DDX54: variants seen among roughly 807,000 people sequenced by gnomAD.
The protein encoded by DDX54 is DEAD-box helicase 54, also known as ATP-dependent RNA helicase DDX54.
A neutral mutation model predicts 105.5 loss-of-function variants in DDX54; 67 were observed. The ratio of observed to expected loss-of-function variants is 0.64; its 90% CI spans 0.52 to 0.78. DDX54 has a LOEUF of 0.78. Among genes scored for constraint, DDX54 ranks in the 30% least tolerant of loss-of-function variants. The pLI is 0.00. For missense variants in DDX54, 1,206 were observed against 1,230.5 expected, an observed-to-expected ratio of 0.98 and a Z score of 0.30; for synonymous variants, 514 against 509.9, an observed-to-expected ratio of 1.01 and a Z score of -0.11.
intron 1 of DDX54, among the ~76,000 whole-genome samples, chr12:113,183,558 C>T (rs566919376): frequency 6.6e-6 from 1 of 152,376 alleles, no homozygotes; most frequent in East Asian, 1.9e-4. Flanking sequence ...GTGCCAGGCA[C>T]CCGCTGGGAA....
At chr12:113,170,613 C>G (rs1233249941) in intron 11 of DDX54, among the ~76,000 whole-genome samples, 2 of 152,052 alleles carry the variant, frequency 1.3e-5, no homozygotes, top group Admixed American at 6.6e-5. Context: ...CACTAGAGCC[C>G]AAGCAACAGA....
At position 113,157,554 on chromosome 12, in the gene DDX54, G is replaced by A; in HGVS notation, c.*1323C>T. 6.6e-7 allele frequency: 1 copy of A among 1,510,358 alleles called. No homozygotes were observed. The highest frequency in any genetic ancestry group is 9.0e-7 in the Non-Finnish European group (1 of 1,109,762). The allele number at this position is 1,510,358 out of a possible 1,614,324, so 93.6% of individuals were successfully genotyped here. On this transcript the variant is annotated 3_prime_UTR_variant, in exon 20 of 20. Transcript: ENST00000306014. The stretch of plus-strand genomic sequence containing the variant: ...CCCGCGTGTTGAGGGGTGGGGGCTG[G>A]ACAGTGACTCTGGGGCTGGGATGTG...
chr12:113,163,663 C>T lies in DDX54; in HGVS notation c.1939-389G>A, dbSNP rs1036851846. ...AGGGGTCTCCAACTGGTCTTCTTGG[C>T]TACTGAACCCTCTGTCCAAACAAAA... On this transcript the variant is annotated intron_variant, in intron 15 of 19. Transcript: ENST00000306014. The surrounding 1 kb of genome is among the most constrained non-coding windows in gnomAD (Gnocchi z 5.9). Among the ~76,000 whole-genome samples, 5 of 152,152 alleles carry T rather than the reference C, an allele frequency of 3.3e-5. No individual in the cohort carries two copies. The highest frequency in any genetic ancestry group is 1.2e-4 in the African/African-American group (5 of 41,426).
At chr12:113,170,439 G>A (rs570911744) in intron 11 of DDX54, among the ~76,000 whole-genome samples, 31 of 152,236 alleles carry the variant, frequency 2.0e-4, no homozygotes, top group African/African-American at 6.7e-4. Context: ...CCAGGAGTTC[G>A]AGAACAGCCT....
In DDX54 at chr12:113,176,874, T is replaced by A; in HGVS notation, c.718A>T (p.Ser240Cys). 6.2e-7 allele frequency: 1 copy of A among 1,614,176 alleles called. No homozygotes were observed. The highest frequency in any genetic ancestry group is 8.5e-7 in the Non-Finnish European group (1 of 1,180,038). The stretch of plus-strand genomic sequence containing the variant: ...TCATCGAACACCACGTATTCCACAC[T>A]CTGCAGCTTCAGGCTCATTTCCACA... ...VAVEMSLKLQ[S>C]VEYVVFDEAD... Residue 240 changes from serine to cysteine, a missense_variant, in exon 7 of 20, where the codon AGT becomes TGT. By Grantham distance (112) the Ser-to-Cys change is moderately radical (BLOSUM62 -1). This residue lies in a region of DDX54 where 961 missense variants were observed against 1,019.1 expected (regional missense o/e 0.94). Coordinates refer to ENST00000306014, the MANE Select transcript of DDX54 (RefSeq NM_024072.4).
At chr12:113,164,609 G>C (rs1382480101) in intron 14 of DDX54, among the ~76,000 whole-genome samples, 1 of 152,202 alleles carries the variant, frequency 6.6e-6, no homozygotes, top group Non-Finnish European at 1.5e-5. Context: ...AGCTACTTAG[G>C]AGGCTGAGGC....
At chr12:113,179,422 A>T in intron 3 of DDX54, 91 bp from the exon 4 acceptor site, 1 of 1,416,996 alleles carries the variant, frequency 7.1e-7, no homozygotes, top group Non-Finnish European at 9.6e-7. Flanking sequence ...TGGGCATGCT[A>T]TAGATCTCAG....
At chr12:113,181,307 TTA>T (rs1263214878) in intron 1 of DDX54, among the ~76,000 whole-genome samples, 1 of 151,898 alleles carries the variant, frequency 6.6e-6, no homozygotes, top group African/African-American at 2.4e-5. Flanking sequence ...TTTTTTTTTT[TTA>T]AGAGACAGGG....
At position 113,172,448 on chromosome 12, in the gene DDX54, G is replaced by A. The variant is rs1044379990; in HGVS notation, c.1184C>T (p.Thr395Ile). Residue 395 changes from threonine to isoleucine, a missense_variant, in exon 11 of 20, where the codon ACT becomes ATT. Physicochemically the swap from Thr to Ile is moderately conservative, Grantham distance 89. This residue lies in a region of DDX54 where 961 missense variants were observed against 1,019.1 expected (regional missense o/e 0.94). Coordinates refer to ENST00000306014, the MANE Select transcript of DDX54 (RefSeq NM_024072.4). Reference sequence around the variant, plus strand: ...GTCCAGGCCTCGGGCGGCCAGGTCAGTCACAATGAGAGTGGAGCACTTGCC... The same window carrying A: ...GTCCAGGCCTCGGGCGGCCAGGTCAATCACAATGAGAGTGGAGCACTTGCC... ...TLGKCSTLIV[T>I]DLAARGLDIP... is the part of the protein sequence containing the mutation. The A allele has an allele frequency of 2.3e-5, 37 of 1,614,262 alleles. No homozygotes were observed. The highest frequency in any genetic ancestry group is 2.9e-5 in the Non-Finnish European group (34 of 1,180,048).
In DDX54 at chr12:113,174,756, C is replaced by T. The variant is rs141996094; in HGVS notation, c.952G>A (p.Val318Met). Reference protein sequence around the residue: ...NEQLKTSFFLVREDTKAAVLL... With the variant: ...NEQLKTSFFLMREDTKAAVLL... ...ACGGCAGCCTTGGTGTCCTCCCGCA[C>T]GAGGAAGAAGGAGGTCTGTGGGGAG... The change falls in exon 10 of 20, where the codon GTG becomes ATG. Residue 318 changes from valine to methionine, a missense_variant. By Grantham distance (21) the Val-to-Met change is conservative (BLOSUM62 1). Around this residue, in one of 3 missense-constraint regions of DDX54, gnomAD observed 961 missense variants for 1,019.1 expected, o/e 0.94. Transcript: ENST00000306014. The T allele has an allele frequency of 9.2e-5, 149 of 1,611,854 alleles. No individual in the cohort carries two copies. The highest frequency in any genetic ancestry group is 1.7e-4 in the Middle Eastern group (1 of 6,056).
intron 1 of DDX54, among the ~76,000 whole-genome samples, chr12:113,184,769 C>T (rs752282366): frequency 1.3e-5 from 2 of 152,146 alleles, no homozygotes; most frequent in African/African-American, 2.4e-5. Flanking sequence ...GAGGCTGTAG[C>T]AAGGCGTGGC....
Position 113,164,288 on chromosome 12 carries a change from G to A in DDX54, c.1720-3C>T, listed in dbSNP as rs1592999271. ...GAGGCGTTGATCTCAAAGATAGTCT[G>A]TGGAGGGGACACCCAGTCCTTTGCC... is the stretch of plus-strand genomic sequence containing the variant. On this transcript the variant is annotated splice_polypyrimidine_tract_variant and splice_region_variant and intron_variant, in intron 14 of 19. Coordinates refer to ENST00000306014, the MANE Select transcript of DDX54 (RefSeq NM_024072.4). 6.3e-7 allele frequency: 1 copy of A among 1,582,868 alleles called. No homozygotes were observed. The highest frequency in any genetic ancestry group is 8.6e-7 in the Non-Finnish European group (1 of 1,167,234).
At chr12:113,166,472 A>G (rs1404559123) in intron 12 of DDX54, among the ~76,000 whole-genome samples, 1 of 152,128 alleles carries the variant, frequency 6.6e-6, no homozygotes, top group Non-Finnish European at 1.5e-5. Context: ...AGGCTGAGGC[A>G]GGAGGATCAC....
At chr12:113,169,255 G>A (rs1952307690) in intron 12 of DDX54, among the ~76,000 whole-genome samples, 1 of 150,780 alleles carries the variant, frequency 6.6e-6, no homozygotes, top group Non-Finnish European at 1.5e-5. Flanking sequence ...CCCAGGAGTT[G>A]GAAGTTGCAG....
At chr12:113,180,327 T>A (rs964021525) in intron 2 of DDX54, among the ~76,000 whole-genome samples, 1 of 152,022 alleles carries the variant, frequency 6.6e-6, no homozygotes, top group East Asian at 1.9e-4. Flanking sequence ...CTCTTGGAAG[T>A]GTGTGTGGAC....
chr12:113,163,034 C>G lies in DDX54; in HGVS notation c.2093G>C (p.Ser698Thr), dbSNP rs770652501. The change falls in exon 17 of 20, where the codon AGC becomes ACC. Residue 698 changes from serine (S) to threonine (T), a missense_variant. Transcript: ENST00000306014. This position sits in a 1 kb window ranked among gnomAD's most constrained non-coding sequence, Gnocchi z 5.9. ...DFDSERGLSISGEGGAFEQQA... is the reference protein window; with the variant it reads ...DFDSERGLSITGEGGAFEQQA... ...CTGCTCAAAGGCTCCCCCTTCCCCGCTGATGCTCAGGCTGCAGAGGGAGAG... is the reference window on the plus strand; with the variant it reads ...CTGCTCAAAGGCTCCCCCTTCCCCGGTGATGCTCAGGCTGCAGAGGGAGAG... 3 of 1,609,224 alleles carry G rather than the reference C, an allele frequency of 1.9e-6. No homozygotes were observed. Among genetic ancestry groups the G allele is most frequent in the Admixed American group, 1.7e-5 (1 of 59,852 alleles).
rs145965299 is a variant in DDX54, at chr12:113,165,832, G to A, written c.1615C>T (p.Leu539Phe). 7.9e-5 allele frequency: 127 copies of A among 1,609,366 alleles called. No homozygotes were observed. The highest frequency in any genetic ancestry group is 5.0e-4 in the Middle Eastern group (3 of 6,046). ...AGGGGGTGCAGGCCCAGCCCCACAA[G>A]GTCCATCTCCTTGGCCCTCTTGATG... ...ESIKRAKEMD[L>F]VGLGLHPLFS... The change falls in exon 13 of 20, where the codon CTT becomes TTT. Residue 539 changes from leucine to phenylalanine, a missense_variant. Physicochemically the swap from Leu to Phe is conservative, Grantham distance 22. This residue lies in a region of DDX54 where 961 missense variants were observed against 1,019.1 expected (regional missense o/e 0.94). Coordinates refer to ENST00000306014, the MANE Select transcript of DDX54 (RefSeq NM_024072.4).
rs146871883 is a variant in DDX54, at chr12:113,163,160, G to A, written c.2053C>T (p.Arg685Trp). 22 of 1,613,128 alleles carry A rather than the reference G, an allele frequency of 1.4e-5. No homozygotes were observed. Among genetic ancestry groups the A allele is most frequent in the African/African-American group, 1.3e-4 (10 of 75,036 alleles). Reference protein sequence around the residue: ...QRDQEFYIPYRPKDFDSERGL... With the variant: ...QRDQEFYIPYWPKDFDSERGL... ...CGCTCGCTGTCAAAGTCCTTGGGCCGGTAGGGGATGTAGAATTCCTGGTCC... is the reference window on the plus strand; with the variant it reads ...CGCTCGCTGTCAAAGTCCTTGGGCCAGTAGGGGATGTAGAATTCCTGGTCC... Residue 685 changes from arginine to tryptophan, a missense_variant, in exon 16 of 20, where the codon CGG (arginine) becomes TGG (tryptophan). Around this residue, in one of 3 missense-constraint regions of DDX54, gnomAD observed 961 missense variants for 1,019.1 expected, o/e 0.94. Transcript: ENST00000306014. The surrounding 1 kb of genome is among the most constrained non-coding windows in gnomAD (Gnocchi z 5.9).
In DDX54 at chr12:113,163,105, C is replaced by T. The variant is rs775622263; in HGVS notation, c.2081+27G>A. The T allele has an allele frequency of 1.9e-6, 3 of 1,611,648 alleles. No individual in the cohort carries two copies. Among genetic ancestry groups the T allele is most frequent in the East Asian group, 2.2e-5 (1 of 44,874 alleles). ...ATGGGACCCAGCGGACCCAACTGCC[C>T]CACCCAGGACCCAGCCAGCCACTCA... On this transcript the variant is annotated intron_variant, in intron 16 of 19. Coordinates refer to ENST00000306014, the MANE Select transcript of DDX54 (RefSeq NM_024072.4). The surrounding 1 kb of genome is among the most constrained non-coding windows in gnomAD (Gnocchi z 5.9).
Sources: allele counts gnomAD v4.1 joint callset (sites outside exome capture counted in the v4.1 genomes callset), GRCh38; gene constraint gnomAD v4.1.1; regional missense constraint gnomAD v4.1.1; non-coding constraint Gnocchi (gnomAD v3.1); transcripts MANE v1.5; gene names NCBI Gene and HGNC (gene_info 2026-07-23, HGNC 2026-07-21).